The following CNTNAP3 variants were observed in gnomAD, a reference collection of about 807,000 sequenced individuals.
CNTNAP3 encodes the protein contactin associated protein family member 3, also known as contactin-associated protein-like 3.
Under a neutral mutation model 92.1 loss-of-function variants are expected in CNTNAP3, and 36 were observed. The observed-to-expected ratio is 0.39, with a 90% CI of 0.30 to 0.52. The LOEUF is 0.52. CNTNAP3 is among the 20% of genes least tolerant of loss of function. The probability of loss-of-function intolerance (pLI) is 0.76; values close to 1 mark genes in which losing one functional copy is unlikely to be tolerated. For synonymous variants in CNTNAP3, 232 were observed against 422.3 expected, an observed-to-expected ratio of 0.55 and a Z score of 5.53; for missense variants, 534 against 1,069.6, an observed-to-expected ratio of 0.50 and a Z score of 6.98.
At position 39,073,590 on chromosome 9, in the gene CNTNAP3, G is replaced by A; in HGVS notation, c.*300C>T. ...CAGATCAAACTGCAGTTTTGGAAGA[G>A]AGCCTTTGGACGGGGAAACTACTGA... On this transcript the variant is annotated 3_prime_UTR_variant, in exon 24 of 24. Transcript: ENST00000297668. 1 of 581,516 alleles carries A rather than the reference G, an allele frequency of 1.7e-6. No individual in the cohort carries two copies. The highest frequency in any genetic ancestry group is 2.9e-5 in the East Asian group (1 of 34,016). 36.0% of individuals were successfully genotyped at this position (581,516 alleles called of 1,614,324 possible). A position where few individuals can be genotyped will look rare whatever the true frequency, so the allele number is the denominator to read the frequency against.
intron 13 of CNTNAP3, among the ~76,000 whole-genome samples, chr9:39,130,574 G>C (rs1368990668): frequency 6.9e-6 from 1 of 145,080 alleles, no homozygotes; most frequent in Non-Finnish European, 1.5e-5. Flanking sequence ...GCGCCATCTC[G>C]GCTCACTGCA....
chr9:39,168,322 T>C lies in CNTNAP3; in HGVS notation c.1334-2246A>G, dbSNP rs372642084. On this transcript the variant is annotated intron_variant, in intron 8 of 23. Coordinates refer to ENST00000297668, the MANE Select transcript of CNTNAP3 (RefSeq NM_033655.5). ...GTGAGCCACCACACCTGGCCCCTTC[T>C]TTGAATTCTTTTACCACCCTGTGAA... is the stretch of plus-strand genomic sequence containing the variant. 2.0e-5 allele frequency among the ~76,000 whole-genome samples: 3 copies of C among 150,522 alleles called. No homozygotes were observed. In the South Asian group the frequency reaches 6.3e-4, roughly 31 times the overall value.
rs1825624320 is a variant in CNTNAP3 at position 39,070,977 on chromosome 9, T to G, written c.*2913A>C. On this transcript the variant is annotated 3_prime_UTR_variant, in exon 24 of 24. Coordinates refer to ENST00000297668, the MANE Select transcript of CNTNAP3 (RefSeq NM_033655.5). ...GAAGGCAGGAAGGTGGGCTTCTCTA[T>G]GGATTGAAGTTAAGAGAGAGAAGTG... Among the ~76,000 whole-genome samples, 2 of 152,258 alleles carry G rather than the reference T, an allele frequency of 1.3e-5. No homozygotes were observed. Among genetic ancestry groups the G allele is most frequent in the African/African-American group, 4.8e-5 (2 of 41,478 alleles).
At chr9:39,152,539 G>A (rs573890666) in intron 9 of CNTNAP3, among the ~76,000 whole-genome samples, 24 of 146,282 alleles carry the variant, frequency 1.6e-4, no homozygotes, top group Admixed American at 2.7e-4. Flanking sequence ...AACACATTAA[G>A]TTAAGAATTA....
chr9:39,132,615 C>G (rs989096838), intron 13 of CNTNAP3, among the ~76,000 whole-genome samples: 1 of 152,132 alleles, frequency 6.6e-6, no homozygotes, highest in Non-Finnish European at 1.5e-5. Context: ...TTAGACCCAG[C>G]CTGCCCTACA....
At chr9:39,086,223 A>C in intron 20 of CNTNAP3, 1 of 258,190 alleles carries the variant, frequency 3.9e-6, no homozygotes, top group South Asian at 5.8e-5. Context: ...AATGCCGATG[A>C]CAATGTGTAA....
rs1171671429 is a variant in CNTNAP3, at chr9:39,067,587, G to A, written c.*6303C>T. Reference sequence around the variant, plus strand: ...TAATTTTTGTATGTTTAGTAGAGACGGGGTTTCCACCTTGTTAGCAGGATG... The same window carrying A: ...TAATTTTTGTATGTTTAGTAGAGACAGGGTTTCCACCTTGTTAGCAGGATG... On this transcript the variant is annotated 3_prime_UTR_variant, in exon 24 of 24. Coordinates refer to ENST00000297668, the MANE Select transcript of CNTNAP3 (RefSeq NM_033655.5). Among the ~76,000 whole-genome samples, 8 of 152,390 alleles carry A rather than the reference G, an allele frequency of 5.2e-5. No homozygotes were observed. The highest frequency in any genetic ancestry group is 1.9e-4 in the African/African-American group (8 of 41,572).
At chr9:39,254,858 G>A (rs1459745766) in intron 2 of CNTNAP3, among the ~76,000 whole-genome samples, 3 of 22,550 alleles carry the variant, frequency 1.3e-4, no homozygotes, top group African/African-American at 2.9e-4. Flanking sequence ...TTTCTCTGTC[G>A]AGTTTAAGTT....
At chr9:39,100,749 T>C (rs1029196073) in intron 17 of CNTNAP3, among the ~76,000 whole-genome samples, 10 of 151,908 alleles carry the variant, frequency 6.6e-5, no homozygotes, top group South Asian at 4.2e-4. Context: ...AATTGAATAC[T>C]GCATGCATGC....
In CNTNAP3 at chr9:39,148,372, G is replaced by A. The variant is rs565883981; in HGVS notation, c.1649+1434C>T. Reference sequence around the variant, plus strand: ...GAACTTTTCATTTAGTAGTAATTACGTTTTTTTAGTATGTCACTAACTATG... The same window carrying A: ...GAACTTTTCATTTAGTAGTAATTACATTTTTTTAGTATGTCACTAACTATG... On this transcript the variant is annotated intron_variant, in intron 10 of 23. Coordinates refer to ENST00000297668, the MANE Select transcript of CNTNAP3 (RefSeq NM_033655.5). Among the ~76,000 whole-genome samples, 3 of 152,130 alleles carry A rather than the reference G, an allele frequency of 2.0e-5. No homozygotes were observed. In the South Asian group the frequency reaches 6.2e-4, roughly 32 times the overall value.
At chr9:39,077,108 A>T (rs1825797868) in intron 23 of CNTNAP3, among the ~76,000 whole-genome samples, 1 of 152,246 alleles carries the variant, frequency 6.6e-6, no homozygotes, top group South Asian at 2.1e-4. Flanking sequence ...ACTTTTCTTC[A>T]ATTAAAAATA....
chr9:39,108,216 T>C (rs1344187251), intron 15 of CNTNAP3, among the ~76,000 whole-genome samples: 2 of 119,038 alleles, frequency 1.7e-5, no homozygotes, highest in Non-Finnish European at 3.5e-5. Context: ...GCATCTCAGA[T>C]GAGGAGCCCC....
chr9:39,078,034 T>C (rs1825824999), intron 23 of CNTNAP3, among the ~76,000 whole-genome samples: 1 of 152,228 alleles, frequency 6.6e-6, no homozygotes, highest in Non-Finnish European at 1.5e-5. Flanking sequence ...GGAGAAACCC[T>C]GTGTCTACCA....
At chr9:39,115,358 C>T (rs62570001) in intron 14 of CNTNAP3, among the ~76,000 whole-genome samples, 5 of 152,132 alleles carry the variant, frequency 3.3e-5, no homozygotes, top group East Asian at 3.9e-4. Flanking sequence ...CTTATGTCTA[C>T]ACCTTAATCT....
At chr9:39,097,913 C>T (rs1225044038) in intron 18 of CNTNAP3, among the ~76,000 whole-genome samples, 3 of 150,954 alleles carry the variant, frequency 2.0e-5, no homozygotes, top group South Asian at 2.1e-4. Context: ...ATGCTTGTTT[C>T]GTATGAGAGA....
Position 39,070,250 on chromosome 9 carries a change from A to G in CNTNAP3, c.*3640T>C. 8.7e-6 allele frequency among the ~76,000 whole-genome samples: 1 copy of G among 115,224 alleles called. No individual in the cohort carries two copies. The highest frequency in any genetic ancestry group is 3.6e-5 in the African/African-American group (1 of 27,520). The allele number at this position is 115,224 out of a possible 152,430, so 75.6% of individuals were successfully genotyped here. On this transcript the variant is annotated 3_prime_UTR_variant, in exon 24 of 24. Coordinates refer to ENST00000297668, the MANE Select transcript of CNTNAP3 (RefSeq NM_033655.5). ...TGCAATACTGTTTATAACAGCTAAG[A>G]TTTGGAAACACCCTAAGTGTTCATC... is the stretch of plus-strand genomic sequence containing the variant.
chr9:39,086,602 A>G lies in CNTNAP3; in HGVS notation c.3354+114T>C. 8 of 1,310,772 alleles carry G rather than the reference A, an allele frequency of 6.1e-6. No homozygotes were observed. The South Asian group carries it at 1.1e-4, about 18-fold the overall frequency. 81.2% of individuals were successfully genotyped at this position (1,310,772 alleles called of 1,614,324 possible). On this transcript the variant is annotated intron_variant, in intron 20 of 23. Coordinates refer to ENST00000297668, the MANE Select transcript of CNTNAP3 (RefSeq NM_033655.5). ...ATTTGGCTTCTTCTTGACTTATGGA[A>G]GAGCAGCACTGAATGGGTTGCTCTT...
chr9:39,085,507 G>A, intron 21 of CNTNAP3: 1 of 523,556 alleles, frequency 1.9e-6, no homozygotes, highest in Admixed American at 3.3e-5. Flanking sequence ...ATTGCCAAGT[G>A]AGAGGTTAAG....
At chr9:39,108,077 T>C (rs1826649082) in intron 15 of CNTNAP3, among the ~76,000 whole-genome samples, 2 of 152,030 alleles carry the variant, frequency 1.3e-5, no homozygotes, top group African/African-American at 4.8e-5. Flanking sequence ...TTAAAGAACT[T>C]TACTGCTCAC....
Sources: gnomAD v4.1 joint callset for allele counts (sites outside exome capture counted in the v4.1 genomes callset) on GRCh38, gnomAD v4.1.1 for gene constraint, MANE v1.5 for transcripts, NCBI Gene and HGNC (gene_info 2026-07-23, HGNC 2026-07-21) for gene names.